DCC: variants seen among roughly 807,000 people sequenced by gnomAD.
DCC encodes netrin receptor DCC.
In DCC, 58 loss-of-function variants were observed where a neutral mutation model predicts 172.5. The ratio of observed to expected loss-of-function variants is 0.34; its 90% CI spans 0.27 to 0.42. The LOEUF is 0.42. DCC is among the 10% of genes least tolerant of loss of function. DCC has a pLI of 1.00. For synonymous variants in DCC, 709 were observed against 644.5 expected, an observed-to-expected ratio of 1.10 and a Z score of -1.52; for missense variants, 1,740 against 1,791.0, an observed-to-expected ratio of 0.97 and a Z score of 0.51.
At chr18:53,102,572 C>A (rs891138952) in intron 7 of DCC, among the ~76,000 whole-genome samples, 1 of 152,012 alleles carries the variant, frequency 6.6e-6, no homozygotes, top group African/African-American at 2.4e-5. Context: ...GCATTGCTCC[C>A]TCAGACAGTC....
At chr18:52,751,067 G>A (rs185371001) in intron 1 of DCC, among the ~76,000 whole-genome samples, 29 of 152,288 alleles carry the variant, frequency 1.9e-4, no homozygotes, top group Non-Finnish European at 3.5e-4. Context: ...AATTCAGTTA[G>A]ACTCTTAAAA....
At position 53,425,337 on chromosome 18, in the gene DCC, A is replaced by G. The variant is rs374686673; in HGVS notation, c.3163+9181A>G. 5.2e-5 allele frequency among the ~76,000 whole-genome samples: 7 copies of G among 135,340 alleles called. No homozygotes were observed. In the East Asian group the frequency reaches 1.4e-3, roughly 28 times the overall value. The allele number at this position is 135,340 out of a possible 152,430, so 88.8% of individuals were successfully genotyped here. On this transcript the variant is annotated intron_variant, in intron 21 of 28. Coordinates refer to ENST00000442544, the MANE Select transcript of DCC (RefSeq NM_005215.4). The stretch of plus-strand genomic sequence containing the variant: ...TGAAGTGCTCTAATTTCTGTCCACA[A>G]TTTTCCCCGTTTCTCCTCTCTTTTT...
At chr18:52,826,186 A>C (rs1442512775) in intron 2 of DCC, among the ~76,000 whole-genome samples, 3 of 152,238 alleles carry the variant, frequency 2.0e-5, no homozygotes, top group Non-Finnish European at 4.4e-5. Flanking sequence ...GTTGTACAAC[A>C]CAATAGCATA....
At chr18:53,440,855 G>C (rs2145129653) in intron 22 of DCC, among the ~76,000 whole-genome samples, 1 of 152,302 alleles carries the variant, frequency 6.6e-6, no homozygotes, top group South Asian at 2.1e-4. Flanking sequence ...GCTTAGAGCT[G>C]TGTGACAAAT....
chr18:52,802,495 G>T (rs1033051291), intron 2 of DCC, among the ~76,000 whole-genome samples: 1 of 149,036 alleles, frequency 6.7e-6, no homozygotes, highest in African/African-American at 2.5e-5. Context: ...TTTTTTTTGA[G>T]ACAAGGTCTC....
At chr18:53,230,424 TCTTTC>T (rs1259192757) in intron 12 of DCC, among the ~76,000 whole-genome samples, 1 of 152,104 alleles carries the variant, frequency 6.6e-6, no homozygotes, top group Non-Finnish European at 1.5e-5. Flanking sequence ...AACAAAGTTC[TCTTTC>T]CTTAAGGGAC....
intron 1 of DCC, among the ~76,000 whole-genome samples, chr18:52,700,215 TGTGC>T (rs1167278417): frequency 1.5e-4 from 7 of 46,926 alleles, no homozygotes; most frequent in Non-Finnish European, 2.5e-4. Flanking sequence ...CACATGCACA[TGTGC>T]ACACACATGC....
intron 5 of DCC, among the ~76,000 whole-genome samples, chr18:52,960,749 G>T (rs1019270720): frequency 3.9e-5 from 6 of 151,950 alleles, no homozygotes; most frequent in African/African-American, 1.5e-4. Flanking sequence ...CTCCAACACG[G>T]TTACTCTCAT....
chr18:52,661,469 A>G (rs532308917), intron 1 of DCC, among the ~76,000 whole-genome samples: 4 of 152,340 alleles, frequency 2.6e-5, no homozygotes, highest in Admixed American at 2.6e-4. Flanking sequence ...AAAGGCAGGC[A>G]AACTGGTTGG....
chr18:52,653,908 G>A (rs1006939823), intron 1 of DCC, among the ~76,000 whole-genome samples: 1 of 151,918 alleles, frequency 6.6e-6, no homozygotes, highest in African/African-American at 2.4e-5. Context: ...TCTCCTTTAA[G>A]GTTTAGAGCT....
intron 14 of DCC, among the ~76,000 whole-genome samples, chr18:53,335,860 C>A (rs988907344): frequency 6.6e-6 from 1 of 152,046 alleles, no homozygotes; most frequent in Non-Finnish European, 1.5e-5. Flanking sequence ...TCTCACATGG[C>A]GGCAGACAAG....
chr18:53,226,948 A>ATATATATATATATTTTTTTTTTTTT lies in DCC; in HGVS notation c.1911+11352_1911+11353insATATATATATATTTTTTTTTTTTTT. 7.6e-3 allele frequency among the ~76,000 whole-genome samples: 401 copies of ATATATATATATATTTTTTTTTTTTT among 52,714 alleles called. 6 individuals are homozygous for ATATATATATATATTTTTTTTTTTTT. The highest frequency in any genetic ancestry group is 0.013 in the Non-Finnish European group (321 of 24,680). The allele number at this position is 52,714 out of a possible 152,430, so 34.6% of individuals were successfully genotyped here. A position where few individuals can be genotyped will look rare whatever the true frequency, so the allele number is the denominator to read the frequency against. ...TGTGTGTGTGTGTATATATATATAT[A>ATATATATATATATTTTTTTTTTTTT]TTTTTTTTTTTTTTTTTTTGAGGCA... is the stretch of plus-strand genomic sequence containing the variant. On this transcript the variant is annotated intron_variant, in intron 12 of 28. Transcript: ENST00000442544.
At chr18:53,308,565 A>C (rs2057229627) in intron 13 of DCC, among the ~76,000 whole-genome samples, 1 of 152,214 alleles carries the variant, frequency 6.6e-6, no homozygotes, top group Non-Finnish European at 1.5e-5. Flanking sequence ...AAACAAATGA[A>C]TAGTAGCCTC....
intron 3 of DCC, among the ~76,000 whole-genome samples, chr18:52,922,434 C>T (rs2040140838): frequency 6.6e-6 from 1 of 152,148 alleles, no homozygotes. Flanking sequence ...TGACCACCAG[C>T]AGCTCATGCT....
chr18:53,209,059 G>A (rs879723827), intron 11 of DCC, among the ~76,000 whole-genome samples: 3 of 152,132 alleles, frequency 2.0e-5, no homozygotes, highest in Admixed American at 6.5e-5. Flanking sequence ...GAAGCCTCCC[G>A]AGTAGCTGGA....
intron 26 of DCC, among the ~76,000 whole-genome samples, chr18:53,489,004 A>G (rs1187017128): frequency 1.3e-5 from 2 of 152,014 alleles, no homozygotes; most frequent in Non-Finnish European, 2.9e-5. Context: ...TAAAAATACA[A>G]AAAAAATTGC....
chr18:52,846,428 T>C (rs1467467562), intron 2 of DCC, among the ~76,000 whole-genome samples: 2 of 152,064 alleles, frequency 1.3e-5, no homozygotes, highest in African/African-American at 2.4e-5. Flanking sequence ...TATTGTCAGC[T>C]ACTGGGGAGT....
intron 14 of DCC, among the ~76,000 whole-genome samples, chr18:53,325,408 G>C (rs1462942094): frequency 6.6e-6 from 1 of 152,046 alleles, no homozygotes; most frequent in Non-Finnish European, 1.5e-5. Context: ...ATGAAGCAGA[G>C]GTGCTGAAGG....
At chr18:53,164,446 A>G (rs2054887172) in intron 8 of DCC, among the ~76,000 whole-genome samples, 1 of 152,142 alleles carries the variant, frequency 6.6e-6, no homozygotes, top group Non-Finnish European at 1.5e-5. Flanking sequence ...AAAGAACATT[A>G]TACCTCTCAC....
Sources: allele counts gnomAD v4.1 joint callset (sites outside exome capture counted in the v4.1 genomes callset), GRCh38; gene constraint gnomAD v4.1.1; transcripts MANE v1.5; gene names NCBI Gene and HGNC (gene_info 2026-07-23, HGNC 2026-07-21).